RALGAPB: variants seen among roughly 807,000 people sequenced by gnomAD.
RALGAPB encodes ral GTPase-activating protein subunit beta.
In RALGAPB, 25 loss-of-function variants were observed where a neutral mutation model predicts 161.1. The observed-to-expected ratio is 0.16, with a 90% CI of 0.11 to 0.22. The LOEUF (loss-of-function observed/expected upper bound fraction) is 0.22. Ranked by LOEUF, RALGAPB falls within the 10% of genes least tolerant of loss-of-function variation. The probability of loss-of-function intolerance (pLI) is 1.00; values close to 1 mark genes in which losing one functional copy is unlikely to be tolerated. For synonymous variants in RALGAPB, 629 were observed against 626.1 expected, an observed-to-expected ratio of 1.00 and a Z score of -0.07; for missense variants, 1,391 against 1,815.2, an observed-to-expected ratio of 0.77 and a Z score of 4.25.
intron 21 of RALGAPB, among the ~76,000 whole-genome samples, chr20:38,553,374 T>A (rs2087445772): frequency 1.3e-5 from 2 of 152,046 alleles, no homozygotes; most frequent in Admixed American, 1.3e-4. Flanking sequence ...CACGTCAGGG[T>A]GAAGATGGAC....
intron 5 of RALGAPB, among the ~76,000 whole-genome samples, chr20:38,500,746 G>A (rs1463088570): frequency 6.6e-6 from 1 of 152,192 alleles, no homozygotes; most frequent in Non-Finnish European, 1.5e-5. Context: ...GAATGCAAAG[G>A]TAAAGTTCTT....
chr20:38,486,995 CTAATGGCAGCTTTA>C (rs2085134354), intron 1 of RALGAPB, among the ~76,000 whole-genome samples: 3 of 152,168 alleles, frequency 2.0e-5, no homozygotes, highest in Admixed American at 2.0e-4. Context: ...AATGAATGAG[CTAATGGCAGCTTTA>C]TATGAACATC....
At chr20:38,535,325 T>C (rs2086772667) in intron 16 of RALGAPB, 118 bp downstream of exon 16, 16 of 1,245,644 alleles carry the variant, frequency 1.3e-5, no homozygotes, top group Non-Finnish European at 1.6e-5. Flanking sequence ...ACATAGTTTA[T>C]ATTATATCCA....
At chr20:38,514,319 GA>G (rs1387014486) in intron 6 of RALGAPB, among the ~76,000 whole-genome samples, 2 of 152,186 alleles carry the variant, frequency 1.3e-5, no homozygotes, top group Non-Finnish European at 2.9e-5. Flanking sequence ...TTGAGAGGGG[GA>G]CATGCAGTCT....
Position 38,575,974 on chromosome 20 carries a change from G to C in RALGAPB, c.*1007G>C, listed in dbSNP as rs544205292. On this transcript the variant is annotated 3_prime_UTR_variant, in exon 30 of 30. Coordinates refer to ENST00000262879, the MANE Select transcript of RALGAPB (RefSeq NM_020336.4). ...TCAGATCTCTCCCAGAGAACTACTGGATTTCCTCATAATTGACAAACATGA... is the reference window on the plus strand; with the variant it reads ...TCAGATCTCTCCCAGAGAACTACTGCATTTCCTCATAATTGACAAACATGA... The C allele has an allele frequency of 1.3e-5, 2 of 152,534 alleles. No homozygotes were observed. The highest frequency in any genetic ancestry group is 2.9e-5 in the Non-Finnish European group (2 of 68,030). The allele number at this position is 152,534 out of a possible 1,614,324, so 9.4% of individuals were successfully genotyped here.
chr20:38,548,816 G>GGAAGTGT (rs1737332290), intron 20 of RALGAPB, 21 bp downstream of exon 20: 1 of 1,551,022 alleles, frequency 6.4e-7, no homozygotes, highest in Non-Finnish European at 8.9e-7. Context: ...GAAGTTACAG[G>GGAAGTGT]GAAGTGTGTG....
chr20:38,572,294 G>A (rs1429321605), intron 28 of RALGAPB, among the ~76,000 whole-genome samples: 1 of 152,198 alleles, frequency 6.6e-6, no homozygotes, highest in Non-Finnish European at 1.5e-5. Flanking sequence ...TGGTAACAAT[G>A]TATTTGTATA....
chr20:38,544,459 T>C (rs1195271706), intron 18 of RALGAPB, among the ~76,000 whole-genome samples: 1 of 152,062 alleles, frequency 6.6e-6, no homozygotes, highest in East Asian at 1.9e-4. Flanking sequence ...CAGAGTATAA[T>C]ACTCTATTAT....
chr20:38,481,292 A>T (rs540470428), intron 1 of RALGAPB, among the ~76,000 whole-genome samples: 131 of 152,314 alleles, frequency 8.6e-4, no homozygotes, highest in African/African-American at 2.9e-3. Flanking sequence ...ATAGTTATTT[A>T]TGGTAGGTAT....
chr20:38,480,869 C>T (rs994478496), intron 1 of RALGAPB, among the ~76,000 whole-genome samples: 22 of 151,794 alleles, frequency 1.4e-4, no homozygotes, highest in African/African-American at 5.3e-4. Context: ...TCCTGAGTAG[C>T]TGGGACTACA....
chr20:38,574,369 GTAAAAA>G, intron 29 of RALGAPB, 71 bp downstream of exon 29: 1 of 1,460,124 alleles, frequency 6.8e-7, no homozygotes, highest in Non-Finnish European at 9.2e-7. Context: ...CCAAAAAGAA[GTAAAAA>G]TAAGGAAATG....
chr20:38,530,607 T>C (rs1338776232), intron 13 of RALGAPB, among the ~76,000 whole-genome samples: 1 of 151,552 alleles, frequency 6.6e-6, no homozygotes, highest in Non-Finnish European at 1.5e-5. Flanking sequence ...TTCTCTTTTT[T>C]TTTTTTTGAG....
At chr20:38,573,616 T>A (rs550715004) in intron 28 of RALGAPB, 2 of 152,294 alleles carry the variant, frequency 1.3e-5, no homozygotes, top group East Asian at 3.9e-4. Context: ...TGGCTTAGAT[T>A]AATGGCTCTC....
At chr20:38,488,683 A>G in intron 2 of RALGAPB, 65 bp downstream of exon 2, 1 of 1,475,310 alleles carries the variant, frequency 6.8e-7, no homozygotes, top group Non-Finnish European at 9.2e-7. Flanking sequence ...GAATTTGTTT[A>G]ATGTTAACTT....
chr20:38,497,306 C>T (rs1054393154), intron 3 of RALGAPB, 47 bp from the exon 4 acceptor site: 1 of 1,571,624 alleles, frequency 6.4e-7, no homozygotes, highest in Admixed American at 1.7e-5. Flanking sequence ...GAAGCTGTTG[C>T]TGTCTCTCCT....
chr20:38,533,348 C>T (rs1214373438), intron 15 of RALGAPB, among the ~76,000 whole-genome samples: 1 of 152,158 alleles, frequency 6.6e-6, no homozygotes, highest in Non-Finnish European at 1.5e-5. Context: ...TTTTTATTTT[C>T]TGCCCTGCCA....
intron 13 of RALGAPB, among the ~76,000 whole-genome samples, chr20:38,527,776 A>C (rs1041397823): frequency 6.6e-6 from 1 of 152,220 alleles, no homozygotes; most frequent in African/African-American, 2.4e-5. Context: ...CTACGATTGA[A>C]GCAGTATTTG....
chr20:38,560,344 G>A (rs1452208868), intron 23 of RALGAPB, among the ~76,000 whole-genome samples: 1 of 152,182 alleles, frequency 6.6e-6, no homozygotes, highest in African/African-American at 2.4e-5. Flanking sequence ...GTGGCCTGGA[G>A]GAAAAGATAT....
intron 24 of RALGAPB, among the ~76,000 whole-genome samples, chr20:38,564,511 T>G (rs994919479): frequency 2.6e-5 from 4 of 152,240 alleles, no homozygotes; most frequent in Non-Finnish European, 5.9e-5. Flanking sequence ...TATCATATTT[T>G]TATTTATTCC....
Sources: gnomAD v4.1 joint callset for allele counts (sites outside exome capture counted in the v4.1 genomes callset) on GRCh38, gnomAD v4.1.1 for gene constraint, MANE v1.5 for transcripts, NCBI Gene and HGNC (gene_info 2026-07-23, HGNC 2026-07-21) for gene names.